Variants in SNTG1 observed in about 807,000 individuals in gnomAD.
The protein encoded by SNTG1 is syntrophin gamma 1, also known as gamma-1-syntrophin.
SNTG1 carries 39 observed loss-of-function variants against 74.7 expected under a neutral mutation model. The ratio of observed to expected loss-of-function variants is 0.52; its 90% CI spans 0.40 to 0.68. The LOEUF (loss-of-function observed/expected upper bound fraction) is 0.68. SNTG1 is among the 30% of genes least tolerant of loss of function. The pLI, the probability that SNTG1 is intolerant of heterozygous loss-of-function variation, is 0.00. For missense variants in SNTG1, 685 were observed against 609.5 expected (o/e 1.12, Z -1.30); for synonymous variants, 254 against 217.1 (o/e 1.17, Z -1.49).
At chr8:50,378,644 C>T (rs1020901801) in intron 2 of SNTG1, among the ~76,000 whole-genome samples, 6 of 152,112 alleles carry the variant, frequency 3.9e-5, no homozygotes, top group Non-Finnish European at 7.4e-5. Flanking sequence ...GAGTGTTCAG[C>T]TCTTAGCAGA....
At chr8:50,443,508 A>G (rs939226937) in intron 5 of SNTG1, among the ~76,000 whole-genome samples, 1 of 152,148 alleles carries the variant, frequency 6.6e-6, no homozygotes, top group Non-Finnish European at 1.5e-5. Context: ...TTTCTAAATA[A>G]TTGCTAATAT....
intron 5 of SNTG1, among the ~76,000 whole-genome samples, chr8:50,448,209 G>T (rs1256901719): frequency 6.6e-6 from 1 of 151,968 alleles, no homozygotes; most frequent in African/African-American, 2.4e-5. Context: ...GAGGAAAAGG[G>T]AACTGAGCAG....
intron 11 of SNTG1, among the ~76,000 whole-genome samples, chr8:50,541,483 A>T (rs1287999299): frequency 6.6e-6 from 1 of 152,072 alleles, no homozygotes; most frequent in African/African-American, 2.4e-5. Context: ...TTATTTGATC[A>T]TATTAAGAAC....
chr8:50,012,164 TA>T (rs555112229), intron 1 of SNTG1, among the ~76,000 whole-genome samples: 4 of 152,074 alleles, frequency 2.6e-5, no homozygotes, highest in African/African-American at 9.7e-5. Context: ...TCTTTAAATT[TA>T]AAAAAAATGA....
intron 1 of SNTG1, among the ~76,000 whole-genome samples, chr8:50,073,930 A>G (rs1821597897): frequency 6.7e-6 from 1 of 149,464 alleles, no homozygotes; most frequent in Non-Finnish European, 1.5e-5. Context: ...TTCCATTTCT[A>G]GAGCACAAGC....
At chr8:50,401,308 G>A (rs965034277) in intron 3 of SNTG1, among the ~76,000 whole-genome samples, 1 of 152,124 alleles carries the variant, frequency 6.6e-6, no homozygotes, top group Non-Finnish European at 1.5e-5. Context: ...GGAATGTTAA[G>A]TGCACTTTCT....
chr8:50,650,164 T>G (rs2095135922), intron 13 of SNTG1, among the ~76,000 whole-genome samples: 1 of 152,052 alleles, frequency 6.6e-6, no homozygotes, highest in East Asian at 1.9e-4. Context: ...AAATTCTATT[T>G]TAAAGACAAT....
chr8:50,403,985 A>G (rs1453866315), intron 4 of SNTG1, among the ~76,000 whole-genome samples: 1 of 152,188 alleles, frequency 6.6e-6, no homozygotes, highest in Non-Finnish European at 1.5e-5. Flanking sequence ...CAAAAATTAT[A>G]CAGGAAGAGG....
chr8:50,624,608 C>A (rs981012731), intron 13 of SNTG1, among the ~76,000 whole-genome samples: 1 of 152,098 alleles, frequency 6.6e-6, no homozygotes, highest in African/African-American at 2.4e-5. Context: ...TAGTCTGAGG[C>A]AGTATTGACA....
intron 2 of SNTG1, among the ~76,000 whole-genome samples, chr8:50,247,869 C>T (rs1371167207): frequency 6.6e-6 from 1 of 151,802 alleles, no homozygotes; most frequent in Admixed American, 6.6e-5. Context: ...TTTTTGAAGA[C>T]CCTTTGTATT....
intron 1 of SNTG1, among the ~76,000 whole-genome samples, chr8:50,071,625 C>T (rs1821376253): frequency 6.6e-6 from 1 of 151,600 alleles, no homozygotes; most frequent in Non-Finnish European, 1.5e-5. Flanking sequence ...ATTATAGGCT[C>T]ACACCACCAT....
chr8:49,921,093 T>A (rs1164981178), intron 1 of SNTG1, among the ~76,000 whole-genome samples: 2 of 152,102 alleles, frequency 1.3e-5, no homozygotes, highest in African/African-American at 4.8e-5. Context: ...ACCTGACCTA[T>A]CTAACTCAGA....
intron 2 of SNTG1, among the ~76,000 whole-genome samples, chr8:50,350,956 CTTTGTTCTTTCGCT>C (rs929603358): frequency 2.0e-5 from 3 of 152,138 alleles, no homozygotes; most frequent in African/African-American, 7.2e-5. Flanking sequence ...GCTGTGGAAG[CTTTGTTCTTTCGCT>C]CTTTGCAATA....
At chr8:50,178,280 T>A (rs766324285) in intron 2 of SNTG1, among the ~76,000 whole-genome samples, 4 of 152,150 alleles carry the variant, frequency 2.6e-5, no homozygotes, top group Admixed American at 6.6e-5. Context: ...TTCTCTTTTT[T>A]GCCACTGCTG....
chr8:50,466,305 A>G (rs1289437547), intron 8 of SNTG1, among the ~76,000 whole-genome samples: 1 of 152,032 alleles, frequency 6.6e-6, no homozygotes, highest in Non-Finnish European at 1.5e-5. Flanking sequence ...TCAAAATCTT[A>G]CCAATTTCCC....
At chr8:50,700,373 G>A (rs2095419341) in intron 15 of SNTG1, among the ~76,000 whole-genome samples, 1 of 152,152 alleles carries the variant, frequency 6.6e-6, no homozygotes, top group Admixed American at 6.5e-5. Flanking sequence ...AATGATTTTA[G>A]ATGATTATGT....
At chr8:50,584,584 T>C (rs1389904806) in intron 12 of SNTG1, among the ~76,000 whole-genome samples, 1 of 149,490 alleles carries the variant, frequency 6.7e-6, no homozygotes, top group African/African-American at 2.5e-5. Context: ...GCGTTCTCGA[T>C]GACACTGAGA....
intron 1 of SNTG1, among the ~76,000 whole-genome samples, chr8:50,149,060 G>A (rs550022240): frequency 1.9e-4 from 29 of 152,288 alleles, no homozygotes; most frequent in Non-Finnish European, 3.2e-4. Context: ...TCCAGCACCT[G>A]TAGTTTCCTG....
chr8:50,575,024 A>G (rs1404495391), intron 12 of SNTG1, among the ~76,000 whole-genome samples: 1 of 152,140 alleles, frequency 6.6e-6, no homozygotes, highest in Non-Finnish European at 1.5e-5. Flanking sequence ...TCACATTTTT[A>G]TGAATTTTCT....
Sources: gnomAD v4.1 joint callset for allele counts (sites outside exome capture counted in the v4.1 genomes callset) on GRCh38, gnomAD v4.1.1 for gene constraint, MANE v1.5 for transcripts, NCBI Gene and HGNC (gene_info 2026-07-23, HGNC 2026-07-21) for gene names.